Variants in MX2 observed in about 807,000 individuals in gnomAD.
MX2 encodes interferon-induced GTP-binding protein Mx2.
Under a neutral mutation model 74.0 loss-of-function variants are expected in MX2, and 51 were observed. That is an observed-to-expected ratio of 0.69 (90% CI 0.55 to 0.87). The LOEUF is 0.87. Among genes scored for constraint, MX2 ranks in the 40% least tolerant of loss-of-function variants. The probability of loss-of-function intolerance (pLI) is 0.00; values close to 1 mark genes in which losing one functional copy is unlikely to be tolerated. For missense variants in MX2, 832 were observed against 908.7 expected (o/e 0.92, Z 1.09); for synonymous variants, 369 against 339.3 (o/e 1.09, Z -0.96).
In MX2 at chr21:41,405,424, TCAG is replaced by T. The variant is rs531929705; in HGVS notation, c.1651-1319_1651-1317del. ...GCCTGAGATCAGTGTGTCGGCATGG[TCAG>T]GTGGCAGTGAGGGCTCTCTTTCAGG... On this transcript the variant is annotated intron_variant, in intron 12 of 13. Transcript: ENST00000330714. 6.2e-3 allele frequency among the ~76,000 whole-genome samples: 938 copies of T among 152,188 alleles called. 6 individuals carry two copies. The highest frequency in any genetic ancestry group is 0.021 in the African/African-American group (889 of 41,514).
chr21:41,371,391 G>A (rs150646452), intron 1 of MX2, among the ~76,000 whole-genome samples: 2 of 152,280 alleles, frequency 1.3e-5, no homozygotes, highest in East Asian at 3.9e-4. Flanking sequence ...GCATTTGCTA[G>A]GAGGACCTGA....
At chr21:41,385,823 AC>A (rs1203928112) in intron 5 of MX2, among the ~76,000 whole-genome samples, 1 of 152,282 alleles carries the variant, frequency 6.6e-6, no homozygotes, top group East Asian at 1.9e-4. Flanking sequence ...TATAATAAAA[AC>A]ATCCAAAATT....
chr21:41,403,210 C>T (rs1011969499), intron 11 of MX2, 57 bp from the exon 12 acceptor site: 3 of 1,391,144 alleles, frequency 2.2e-6, no homozygotes, highest in African/African-American at 2.9e-5. Context: ...AGTTTTATTT[C>T]TGCTTGCATT....
intron 1 of MX2, among the ~76,000 whole-genome samples, chr21:41,367,759 C>T (rs1315296753): frequency 1.3e-5 from 2 of 152,154 alleles, no homozygotes; most frequent in Admixed American, 6.5e-5. Context: ...AATCCTGCGG[C>T]TCAGCAGTAC....
In MX2 at chr21:41,408,200, A is replaced by G. The variant is rs1190317202; in HGVS notation, c.2115A>G (p.Ala705=). Residue 705 remains alanine, a synonymous_variant, in exon 14 of 14, where the codon GCA becomes GCG. Transcript: ENST00000330714. Reference sequence around the variant, plus strand: ...ACCGGCTCACTCAGGCGCGACACGCACTCTGTCAATTCTCCAGCAAAGAGA... The same window carrying G: ...ACCGGCTCACTCAGGCGCGACACGCGCTCTGTCAATTCTCCAGCAAAGAGA... ...RIYRLTQARH[A]LCQFSSKEIH is the part of the protein sequence containing the mutation. 2.5e-6 allele frequency: 4 copies of G among 1,613,978 alleles called. No homozygotes were observed. Among genetic ancestry groups the G allele is most frequent in the African/African-American group, 2.7e-5 (2 of 74,890 alleles).
intron 5 of MX2, among the ~76,000 whole-genome samples, chr21:41,389,155 T>C (rs1197373211): frequency 1.3e-5 from 2 of 151,496 alleles, no homozygotes; most frequent in South Asian, 2.1e-4. Context: ...TTCAGAAGTA[T>C]AGCATCTATT....
chr21:41,380,159 C>T lies in MX2; in HGVS notation c.577+8C>T, dbSNP rs895762089. The T allele has an allele frequency of 3.1e-6, 5 of 1,613,660 alleles. No individual in the cohort carries two copies. Among genetic ancestry groups the T allele is most frequent in the Non-Finnish European group, 4.2e-6 (5 of 1,179,744 alleles). ...AGAAAGAGATACACAAAGGTGGGCC[C>T]ACGTCATTCTGAGGTTCGGATCTGG... On this transcript the variant is annotated splice_region_variant and intron_variant, in intron 4 of 13. Transcript: ENST00000330714. This position sits in a 1 kb window ranked among gnomAD's most constrained non-coding sequence, Gnocchi z 4.3.
intron 1 of MX2, among the ~76,000 whole-genome samples, chr21:41,369,579 TGCTGGGCCAGCA>T (rs1020237605): frequency 2.0e-5 from 3 of 152,240 alleles, no homozygotes; most frequent in Non-Finnish European, 4.4e-5. Flanking sequence ...CGCTGAGAGC[TGCTGGGCCAGCA>T]GGTGGGAGTG....
chr21:41,390,879 G>T (rs1259825856), intron 6 of MX2, among the ~76,000 whole-genome samples, 176 bp downstream of exon 6: 2 of 152,150 alleles, frequency 1.3e-5, no homozygotes, highest in Non-Finnish European at 2.9e-5. Context: ...GGTGGCTGGT[G>T]CCTGTAGTCC....
chr21:41,401,882 G>A (rs925569048), intron 10 of MX2, 88 bp from the exon 11 acceptor site: 14 of 1,440,268 alleles, frequency 9.7e-6, no homozygotes, highest in Middle Eastern at 1.8e-4. Flanking sequence ...GCGTACAGTG[G>A]GGAGCAAGAC....
intron 9 of MX2, 37 bp downstream of exon 9, chr21:41,399,056 C>T (rs769208367): frequency 5.6e-6 from 9 of 1,601,342 alleles, no homozygotes; most frequent in African/African-American, 4.0e-5. Context: ...GACACTGCAT[C>T]CTTCCCTGGT....
intron 1 of MX2, among the ~76,000 whole-genome samples, chr21:41,371,243 C>T (rs1316336726): frequency 6.6e-6 from 1 of 152,120 alleles, no homozygotes; most frequent in Non-Finnish European, 1.5e-5. Flanking sequence ...GTCCATAGCT[C>T]TTAGTTTTTG....
chr21:41,408,375 A>AGCAT lies in MX2; in HGVS notation c.*147_*150dup. On this transcript the variant is annotated 3_prime_UTR_variant, in exon 14 of 14. Transcript: ENST00000330714. The stretch of plus-strand genomic sequence containing the variant: ...CTCTACTGTACTCCCTCAGCATCAG[A>AGCAT]GCATGCATCAGGGGTCCACACAGGC... The AGCAT allele has an allele frequency of 8.7e-7, 1 of 1,151,966 alleles. No individual in the cohort carries two copies. The highest frequency in any genetic ancestry group is 1.2e-6 in the Non-Finnish European group (1 of 831,686). The allele number at this position is 1,151,966 out of a possible 1,614,324, so 71.4% of individuals were successfully genotyped here.
Position 41,408,343 on chromosome 21 carries a change from T to G in MX2, c.*110T>G, listed in dbSNP as rs1436726534. On this transcript the variant is annotated 3_prime_UTR_variant, in exon 14 of 14. Coordinates refer to ENST00000330714, the MANE Select transcript of MX2 (RefSeq NM_002463.2). ...GGCCAAACTCTTCTGTCACTATCAG[T>G]GTCCATCTCTACTGTACTCCCTCAG... 3 of 1,424,066 alleles carry G rather than the reference T, an allele frequency of 2.1e-6. No homozygotes were observed. The African/African-American group carries it at 4.3e-5, about 20-fold the overall frequency. The allele number at this position is 1,424,066 out of a possible 1,614,324, so 88.2% of individuals were successfully genotyped here.
intron 10 of MX2, 182 bp from the exon 11 acceptor site, chr21:41,401,788 A>G: frequency 1.8e-6 from 1 of 567,938 alleles, no homozygotes; most frequent in Non-Finnish European, 2.9e-6. Context: ...TTCCCCCAAA[A>G]GTCAGTATTT....
rs1422884113 is a variant in MX2 at position 41,408,102 on chromosome 21, A to T, written c.2017A>T (p.Asn673Tyr). 4 of 1,614,104 alleles carry T rather than the reference A, an allele frequency of 2.5e-6. No homozygotes were observed. The highest frequency in any genetic ancestry group is 3.4e-6 in the Non-Finnish European group (4 of 1,180,058). The change falls in exon 14 of 14, where the codon AAT becomes TAT. Residue 673 changes from asparagine to tyrosine, a missense_variant. Transcript: ENST00000330714. ...CATGATGCAGATACTACAGGAAAAA[A>T]ATCGCTATTCCTGGCTGCTTCAAGA... The part of the protein sequence containing the change: ...KAMMQILQEK[N>Y]RYSWLLQEQS...
At position 41,388,949 on chromosome 21, in the gene MX2, T is replaced by C; in HGVS notation, c.733-1616T>C. Among the ~76,000 whole-genome samples the C allele has an allele frequency of 6.6e-6, 1 of 152,124 alleles. No individual in the cohort carries two copies. Among genetic ancestry groups the C allele is most frequent in the East Asian group, 1.9e-4 (1 of 5,180 alleles). On this transcript the variant is annotated intron_variant, in intron 5 of 13. Coordinates refer to ENST00000330714, the MANE Select transcript of MX2 (RefSeq NM_002463.2). This position sits in a 1 kb window ranked among gnomAD's most constrained non-coding sequence, Gnocchi z 4.0. ...ACAGAGTCTGCTGGACAGCTTACAATGCCTAGGATGGCCACCATGGCAGAG... is the reference window on the plus strand; with the variant it reads ...ACAGAGTCTGCTGGACAGCTTACAACGCCTAGGATGGCCACCATGGCAGAG...
chr21:41,403,580 T>C (rs746691589), intron 12 of MX2: 4 of 726,564 alleles, frequency 5.5e-6, no homozygotes, highest in South Asian at 2.7e-5. Context: ...GCCCGTGCCC[T>C]GCCATCTGTT....
intron 5 of MX2, among the ~76,000 whole-genome samples, chr21:41,385,173 A>T (rs75757035): frequency 0.025 from 3,833 of 152,340 alleles, 97 homozygotes; most frequent in East Asian, 0.14. Flanking sequence ...GGGTTGGCAC[A>T]AGCAGCTTAG....
Sources: gnomAD v4.1 joint callset for allele counts (sites outside exome capture counted in the v4.1 genomes callset) on GRCh38, gnomAD v4.1.1 for gene constraint, Gnocchi (gnomAD v3.1) non-coding constraint, MANE v1.5 for transcripts, NCBI Gene and HGNC (gene_info 2026-07-23, HGNC 2026-07-21) for gene names.